Variants in NCAN observed in about 807,000 individuals in gnomAD.
The protein encoded by NCAN is neurocan core protein.
A neutral mutation model predicts 121.8 loss-of-function variants in NCAN; 47 were observed. The ratio of observed to expected loss-of-function variants is 0.39; its 90% CI spans 0.31 to 0.49. NCAN has a LOEUF of 0.49. NCAN is among the 20% of genes least tolerant of loss of function. The probability of loss-of-function intolerance (pLI) is 0.92; values close to 1 mark genes in which losing one functional copy is unlikely to be tolerated. For missense variants in NCAN, 1,517 were observed against 1,773.4 expected, an observed-to-expected ratio of 0.86 and a Z score of 2.60; for synonymous variants, 633 against 702.0, an observed-to-expected ratio of 0.90 and a Z score of 1.55.
At chr19:19,236,621 G>T (rs1253696995) in intron 10 of NCAN, among the ~76,000 whole-genome samples, 2 of 151,724 alleles carry the variant, frequency 1.3e-5, no homozygotes, top group African/African-American at 4.8e-5. Context: ...GTAGAGATGG[G>T]GTTTTGCCAT....
rs1476569205 is a variant in NCAN at position 19,228,057 on chromosome 19, A to G, written c.2437A>G (p.Asn813Asp). 1.2e-6 allele frequency: 2 copies of G among 1,613,426 alleles called. No individual in the cohort carries two copies. The highest frequency in any genetic ancestry group is 3.3e-5 in the Admixed American group (2 of 60,008). ...GVFLVPKVTP[N>D]LEPWVATDEG... The stretch of plus-strand genomic sequence containing the variant: ...CTTCTTGGTACCCAAAGTCACCCCA[A>G]ATTTGGAGCCTTGGGTTGCTACAGA... Residue 813 changes from asparagine (N) to aspartate (D), a missense_variant, in exon 8 of 15, where the codon AAT becomes GAT. Coordinates refer to ENST00000252575, the MANE Select transcript of NCAN (RefSeq NM_004386.3).
chr19:19,244,806 G>T (rs2060918475), intron 12 of NCAN, among the ~76,000 whole-genome samples: 1 of 147,562 alleles, frequency 6.8e-6, no homozygotes, highest in South Asian at 2.1e-4. Flanking sequence ...TCGGCTCACT[G>T]CAACCTCTGC....
At position 19,249,943 on chromosome 19, in the gene NCAN, C is replaced by T; in HGVS notation, c.*32C>T. Reference sequence around the variant, plus strand: ...AGAAAAAAGAAAGCACAACACCTTTCCCATGCCTCCTCTGGAGCCTTCGCC... The same window carrying T: ...AGAAAAAAGAAAGCACAACACCTTTTCCATGCCTCCTCTGGAGCCTTCGCC... On this transcript the variant is annotated 3_prime_UTR_variant, in exon 15 of 15. Coordinates refer to ENST00000252575, the MANE Select transcript of NCAN (RefSeq NM_004386.3). 1.4e-5 allele frequency: 23 copies of T among 1,591,346 alleles called. No individual in the cohort carries two copies. The highest frequency in any genetic ancestry group is 2.0e-5 in the Non-Finnish European group (23 of 1,167,902).
chr19:19,245,283 T>C, intron 12 of NCAN, 30 bp from the exon 13 acceptor site: 1 of 1,611,916 alleles, frequency 6.2e-7, no homozygotes, highest in South Asian at 1.1e-5. Context: ...AGAGGTCCCC[T>C]GAACAACTCC....
Position 19,219,448 on chromosome 19 carries a change from A to G in NCAN, c.475+132A>G, listed in dbSNP as rs2060808081. ...GGTGTCTCATGCCTGTAATCCCAGC[A>G]CTTTGGCAGGCCAAGGCGGGTGGAT... is the stretch of plus-strand genomic sequence containing the variant. On this transcript the variant is annotated intron_variant, in intron 3 of 14. Coordinates refer to ENST00000252575, the MANE Select transcript of NCAN (RefSeq NM_004386.3). The G allele has an allele frequency of 3.9e-6, 4 of 1,026,634 alleles. No homozygotes were observed. In the African/African-American group the frequency reaches 6.6e-5, roughly 17 times the overall value. 63.6% of individuals were successfully genotyped at this position (1,026,634 alleles called of 1,614,324 possible).
In NCAN at chr19:19,225,423, G is replaced by A. The variant is rs868525705; in HGVS notation, c.1072+153G>A. On this transcript the variant is annotated intron_variant, in intron 6 of 14. Coordinates refer to ENST00000252575, the MANE Select transcript of NCAN (RefSeq NM_004386.3). This position sits in a 1 kb window ranked among gnomAD's most constrained non-coding sequence, Gnocchi z 4.0. ...GTGAGGGCCACGCCCCCGGGTGAAG[G>A]CCACACCCGTTACGACAAGTCTTTC... is the stretch of plus-strand genomic sequence containing the variant. Among the ~76,000 whole-genome samples, 1 of 152,206 alleles carries A rather than the reference G, an allele frequency of 6.6e-6. No individual in the cohort carries two copies. Among genetic ancestry groups the A allele is most frequent in the Non-Finnish European group, 1.5e-5 (1 of 68,028 alleles).
At chr19:19,230,027 T>C (rs1377564153) in intron 8 of NCAN, among the ~76,000 whole-genome samples, 1 of 152,144 alleles carries the variant, frequency 6.6e-6, no homozygotes, top group Non-Finnish European at 1.5e-5. Context: ...TAAGTCTTTT[T>C]TTCTGAGTTG....
At chr19:19,240,746 C>A in intron 12 of NCAN, 61 bp downstream of exon 12, 1 of 1,537,214 alleles carries the variant, frequency 6.5e-7, no homozygotes, top group Non-Finnish European at 9.0e-7. Context: ...CATCTGGCCT[C>A]AGTTTACCCT....
intron 10 of NCAN, among the ~76,000 whole-genome samples, chr19:19,237,112 G>A (rs1310898487): frequency 1.3e-5 from 2 of 150,844 alleles, no homozygotes; most frequent in African/African-American, 4.9e-5. Context: ...TAGTAGAGAT[G>A]GGGCCAGGCT....
chr19:19,245,529 G>A lies in NCAN; in HGVS notation c.3637+72G>A, dbSNP rs189649471. The A allele has an allele frequency of 1.7e-5, 26 of 1,540,122 alleles. No individual in the cohort carries two copies. In the Admixed American group the frequency reaches 2.6e-4, roughly 15 times the overall value. On this transcript the variant is annotated intron_variant, in intron 13 of 14. Coordinates refer to ENST00000252575, the MANE Select transcript of NCAN (RefSeq NM_004386.3). Reference sequence around the variant, plus strand: ...CTGGTTCTCTGTTGCCCAGGCTGGAGTGCAGTGGCATAATCATGGCTCATC... The same window carrying A: ...CTGGTTCTCTGTTGCCCAGGCTGGAATGCAGTGGCATAATCATGGCTCATC...
intron 9 of NCAN, among the ~76,000 whole-genome samples, chr19:19,234,131 A>C (rs564874517): frequency 2.6e-4 from 40 of 152,186 alleles, no homozygotes; most frequent in Non-Finnish European, 5.1e-4. Flanking sequence ...CATTACTACC[A>C]GTCAGAGGTG....
chr19:19,237,902 G>A (rs2060887591), intron 10 of NCAN, among the ~76,000 whole-genome samples: 1 of 152,162 alleles, frequency 6.6e-6, no homozygotes. Context: ...AATTAGGTGG[G>A]CGTGGTGGCG....
At position 19,225,570 on chromosome 19, in the gene NCAN, A is replaced by G. The variant is rs1018763237; in HGVS notation, c.1072+300A>G. ...GGAGGCCCCATAACCTTGAAAGACA[A>G]GCCCCTAGGTGGGGCATACTCTACC... On this transcript the variant is annotated intron_variant, in intron 6 of 14. Coordinates refer to ENST00000252575, the MANE Select transcript of NCAN (RefSeq NM_004386.3). The surrounding 1 kb of genome is among the most constrained non-coding windows in gnomAD (Gnocchi z 4.0). 8.5e-5 allele frequency among the ~76,000 whole-genome samples: 13 copies of G among 152,148 alleles called. No homozygotes were observed. Among genetic ancestry groups the G allele is most frequent in the Admixed American group, 2.0e-4 (3 of 15,288 alleles).
At position 19,225,102 on chromosome 19, in the gene NCAN, G is replaced by C. The variant is rs1327784975; in HGVS notation, c.904G>C (p.Asp302His). ...GCACCTGGCCTGGCATGAGGGCCTGGACCAGTGCGACCCGGGCTGGCTGGC... is the reference window on the plus strand; with the variant it reads ...GCACCTGGCCTGGCATGAGGGCCTGCACCAGTGCGACCCGGGCTGGCTGGC... ...QLHLAWHEGL[D>H]QCDPGWLADG... Residue 302 changes from aspartate to histidine, a missense_variant, in exon 6 of 15, where the codon GAC becomes CAC. Transcript: ENST00000252575. This position sits in a 1 kb window ranked among gnomAD's most constrained non-coding sequence, Gnocchi z 4.0. 6.5e-7 allele frequency: 1 copy of C among 1,535,052 alleles called. No individual in the cohort carries two copies.
intron 8 of NCAN, among the ~76,000 whole-genome samples, chr19:19,231,330 CTTT>C (rs560601760): frequency 3.0e-5 from 4 of 134,714 alleles, no homozygotes; most frequent in Non-Finnish European, 3.2e-5. Context: ...CATGGGGTTT[CTTT>C]TTTTTTTTTT....
In NCAN at chr19:19,224,827, C is replaced by T. The variant is rs1000003668; in HGVS notation, c.779-150C>T. ...TGAGAGGTAAGGACAAGGATGATCC[C>T]GGAGCTGGACGCACAGCTGCGGTTG... On this transcript the variant is annotated intron_variant, in intron 5 of 14. Transcript: ENST00000252575. 7 of 660,234 alleles carry T rather than the reference C, an allele frequency of 1.1e-5. No individual in the cohort carries two copies. In the South Asian group the frequency reaches 1.5e-4, roughly 14 times the overall value. The allele number at this position is 660,234 out of a possible 1,614,324, so 40.9% of individuals were successfully genotyped here.
rs1409353684 is a variant in NCAN, at chr19:19,219,138, T to C, written c.297T>C (p.Asn99=). 1 of 1,613,792 alleles carries C rather than the reference T, an allele frequency of 6.2e-7. No homozygotes were observed. Among genetic ancestry groups the C allele is most frequent in the Non-Finnish European group, 8.5e-7 (1 of 1,179,920 alleles). The stretch of plus-strand genomic sequence containing the variant: ...TGCCCATCCTGGTGGCCAAGGACAA[T>C]GTCGTGAGGGTGGCCAAAAGCTGGC... The part of the protein sequence containing the change: ...QDLPILVAKD[N]VVRVAKSWQG... The change falls in exon 3 of 15, where the codon AAT becomes AAC. Residue 99 remains asparagine (N), a synonymous_variant. Transcript: ENST00000252575.
Position 19,228,037 on chromosome 19 carries a change from T to C in NCAN, c.2417T>C (p.Leu806Ser). ...SAPLGSPGVF[L>S]VPKVTPNLEP... ...CCCCTGGGGAGCCCTGGAGTCTTCT[T>C]GGTACCCAAAGTCACCCCAAATTTG... The change falls in exon 8 of 15, where the codon TTG (leucine) becomes TCG (serine). Residue 806 changes from leucine to serine, a missense_variant. By Grantham distance (145) the Leu-to-Ser change is moderately radical. Coordinates refer to ENST00000252575, the MANE Select transcript of NCAN (RefSeq NM_004386.3). The C allele has an allele frequency of 6.2e-7, 1 of 1,613,518 alleles. No homozygotes were observed. Among genetic ancestry groups the C allele is most frequent in the African/African-American group, 1.3e-5 (1 of 75,032 alleles).
At chr19:19,226,008 C>A (rs2060835256) in intron 6 of NCAN, among the ~76,000 whole-genome samples, 2 of 152,130 alleles carry the variant, frequency 1.3e-5, no homozygotes, top group Admixed American at 6.5e-5. Context: ...CGGCTCACTG[C>A]AACCTCCACC....
Sources: gnomAD v4.1 joint callset for allele counts (sites outside exome capture counted in the v4.1 genomes callset) on GRCh38, gnomAD v4.1.1 for gene constraint, Gnocchi (gnomAD v3.1) non-coding constraint, MANE v1.5 for transcripts, NCBI Gene and HGNC (gene_info 2026-07-23, HGNC 2026-07-21) for gene names.